The following CCDC190 variants were observed in gnomAD, a reference collection of about 807,000 sequenced individuals.
CCDC190 encodes coiled-coil domain containing 190, also known as coiled-coil domain-containing protein 190.
Under a neutral mutation model 13.1 loss-of-function variants are expected in CCDC190, and 10 were observed. That is an observed-to-expected ratio of 0.77 (90% CI 0.47 to 1.30). The LOEUF is 1.30. Ranked by LOEUF, CCDC190 falls within the 50% of genes most tolerant of loss-of-function variation. CCDC190 has a pLI of 0.00. For missense variants in CCDC190, 375 were observed against 354.3 expected, an observed-to-expected ratio of 1.06 and a Z score of -0.47; for synonymous variants, 136 against 127.2, an observed-to-expected ratio of 1.07 and a Z score of -0.47.
intron 2 of CCDC190, 28 bp from the exon 3 acceptor site, chr1:162,855,783 T>G (rs2102259194): frequency 1.3e-6 from 2 of 1,557,950 alleles, no homozygotes; most frequent in East Asian, 4.7e-5. Context: ...AGAAGTGTTA[T>G]GAGTTGGATT....
At chr1:162,857,190 C>T (rs1037306548) in intron 2 of CCDC190, among the ~76,000 whole-genome samples, 3 of 152,138 alleles carry the variant, frequency 2.0e-5, no homozygotes, top group African/African-American at 7.2e-5. Flanking sequence ...TCTTGAGATG[C>T]TCATCTTCTC....
intron 2 of CCDC190, among the ~76,000 whole-genome samples, chr1:162,856,201 A>G (rs1271922404): frequency 2.6e-5 from 4 of 152,200 alleles, no homozygotes; most frequent in Non-Finnish European, 5.9e-5. Flanking sequence ...AGAAGAAGAA[A>G]AATAATTCTG....
upstream of CCDC190, among the ~76,000 whole-genome samples, chr1:162,864,715 T>C (rs1158121742): frequency 6.6e-6 from 1 of 151,984 alleles, no homozygotes; most frequent in Non-Finnish European, 1.5e-5. Context: ...TACTCTACAC[T>C]CTAAAGCAAC....
At chr1:162,856,541 A>C (rs12132001) in intron 2 of CCDC190, among the ~76,000 whole-genome samples, 21,452 of 152,180 alleles carry the variant, frequency 0.14, 1,811 homozygotes, top group Non-Finnish European at 0.19. Flanking sequence ...TGGACTTTTC[A>C]CTTGTTGAGT....
In CCDC190 at chr1:162,859,502, CCCAGGTCAG is replaced by C. The variant is rs745954908; in HGVS notation, c.136_144del (p.Leu46_Trp48del). The C allele has an allele frequency of 1.2e-6, 2 of 1,613,652 alleles. No homozygotes were observed. The highest frequency in any genetic ancestry group is 1.7e-6 in the Non-Finnish European group (2 of 1,179,746). On this transcript the variant is annotated inframe_deletion, in exon 2 of 4. Transcript: ENST00000367912. ...AGTTCTTTTTGGAGCTGCCTCTGCTCCCAGGTCAGCAATTTCACATGGTAGAGGCAAATA... is the reference window on the plus strand; with the variant it reads ...AGTTCTTTTTGGAGCTGCCTCTGCTCCAATTTCACATGGTAGAGGCAAATA...
At chr1:162,864,014 C>A (rs370972771), upstream of CCDC190, among the ~76,000 whole-genome samples, 464 of 140,408 alleles carry the variant, frequency 3.3e-3, no homozygotes, top group Non-Finnish European at 4.3e-3. Flanking sequence ...GACTCCATCT[C>A]AAAAAAAAAA....
chr1:162,862,975 A>G (rs1048106518), upstream of CCDC190, among the ~76,000 whole-genome samples: 1 of 152,130 alleles, frequency 6.6e-6, no homozygotes, highest in African/African-American at 2.4e-5. Context: ...TTAATAAACA[A>G]AATGGCAAGA....
At position 162,855,312 on chromosome 1, in the gene CCDC190, T is replaced by C; in HGVS notation, c.359A>G (p.Gln120Arg). 6.2e-7 allele frequency: 1 copy of C among 1,612,956 alleles called. No homozygotes were observed. Among genetic ancestry groups the C allele is most frequent in the South Asian group, 1.1e-5 (1 of 91,080 alleles). ...GCCAGCATCATGTGAAGGAGGCACCTGGGACTTGCTTTTGCATGTGTCTTG... is the reference window on the plus strand; with the variant it reads ...GCCAGCATCATGTGAAGGAGGCACCCGGGACTTGCTTTTGCATGTGTCTTG... Reference protein sequence around the residue: ...MAQDTCKSKSQVPPSHDAGLK... With the variant: ...MAQDTCKSKSRVPPSHDAGLK... Residue 120 changes from glutamine to arginine, a missense_variant, in exon 4 of 4, where the codon CAG (glutamine) becomes CGG (arginine). Transcript: ENST00000367912.
intron 1 of CCDC190, among the ~76,000 whole-genome samples, chr1:162,866,792 C>A (rs773306033): frequency 4.9e-4 from 75 of 151,964 alleles, no homozygotes; most frequent in Non-Finnish European, 2.6e-4. Context: ...TAAACTCACA[C>A]ATTTAGTCAG....
upstream of CCDC190, among the ~76,000 whole-genome samples, chr1:162,863,878 G>A (rs1200352352): frequency 6.6e-6 from 1 of 150,746 alleles, no homozygotes; most frequent in African/African-American, 2.5e-5. Flanking sequence ...AATTAGCTGG[G>A]TGTGGTGGTG....
intron 2 of CCDC190, among the ~76,000 whole-genome samples, chr1:162,859,077 G>T (rs916882145): frequency 6.6e-6 from 1 of 152,044 alleles, no homozygotes; most frequent in Non-Finnish European, 1.5e-5. Context: ...ATAAATTGTT[G>T]TTAGATCCAA....
chr1:162,862,562 T>A (rs1235602952), upstream of CCDC190, among the ~76,000 whole-genome samples: 1 of 152,184 alleles, frequency 6.6e-6, no homozygotes, highest in African/African-American at 2.4e-5. Context: ...ACAGAAGGGA[T>A]GTGAGTGCAG....
chr1:162,859,415 G>C (rs1459528903), intron 2 of CCDC190, 45 bp downstream of exon 2: 4 of 1,560,790 alleles, frequency 2.6e-6, no homozygotes, highest in Non-Finnish European at 3.5e-6. Flanking sequence ...CTGCTGCCCT[G>C]CTGTGCCTCT....
chr1:162,859,665 A>T lies in CCDC190; in HGVS notation c.-12-7T>A, dbSNP rs760549649. 1 of 1,601,046 alleles carries T rather than the reference A, an allele frequency of 6.2e-7. No homozygotes were observed. Among genetic ancestry groups the T allele is most frequent in the Non-Finnish European group, 8.5e-7 (1 of 1,174,626 alleles). On this transcript the variant is annotated splice_region_variant and splice_polypyrimidine_tract_variant and intron_variant, in intron 1 of 3. Transcript: ENST00000367912. ...TCTCCATCTTCTTTATGGTCTAGAG[A>T]CAATAAGGTATCACAAATAACCTGA... is the stretch of plus-strand genomic sequence containing the variant.
At chr1:162,867,830 G>A (rs1226981387) in intron 1 of CCDC190, among the ~76,000 whole-genome samples, 3 of 152,178 alleles carry the variant, frequency 2.0e-5, no homozygotes, top group African/African-American at 7.2e-5. Context: ...AGGCTGGATA[G>A]AAAAGAGAAG....
At chr1:162,866,640 T>C (rs1479473643) in intron 1 of CCDC190, among the ~76,000 whole-genome samples, 1 of 152,094 alleles carries the variant, frequency 6.6e-6, no homozygotes, top group East Asian at 1.9e-4. Flanking sequence ...GTCAAAATAA[T>C]TTTGAAAAGA....
At position 162,855,080 on chromosome 1, in the gene CCDC190, A is replaced by G. The variant is rs1187518366; in HGVS notation, c.591T>C (p.Ala197=). The change falls in exon 4 of 4, where the codon GCT becomes GCC. Residue 197 remains alanine, a synonymous_variant. Coordinates refer to ENST00000367912, the MANE Select transcript of CCDC190 (RefSeq NM_001394065.1). ...CAGCACATGCCATTCCACTATCACT[A>G]GCTGGGCTGGAACTAGGACCTTGTT... ...TIEQGPSSSP[A]SDSGMACADE... is the part of the protein sequence containing the mutation. The G allele has an allele frequency of 2.5e-6, 4 of 1,613,976 alleles. No homozygotes were observed. In the South Asian group the frequency reaches 4.4e-5, roughly 18 times the overall value.
rs1650215259 is a variant in CCDC190 at position 162,854,525 on chromosome 1, G to A, written c.*240C>T. On this transcript the variant is annotated 3_prime_UTR_variant, in exon 4 of 4. Coordinates refer to ENST00000367912, the MANE Select transcript of CCDC190 (RefSeq NM_001394065.1). ...ATCAATATATATTCATATTTTTGAT[G>A]ACATCATAAACATATCACTTAAAAT... The A allele has an allele frequency of 1.6e-6, 2 of 1,258,078 alleles. No individual in the cohort carries two copies. Among genetic ancestry groups the A allele is most frequent in the Admixed American group, 3.8e-5 (1 of 26,620 alleles). The allele number at this position is 1,258,078 out of a possible 1,614,324, so 77.9% of individuals were successfully genotyped here. A position where few individuals can be genotyped will look rare whatever the true frequency, so the allele number is the denominator to read the frequency against.
upstream of CCDC190, among the ~76,000 whole-genome samples, chr1:162,862,444 T>C (rs1356076317): frequency 6.6e-6 from 1 of 152,150 alleles, no homozygotes; most frequent in Non-Finnish European, 1.5e-5. Context: ...AGAGGGGTTA[T>C]ATGAGGTGGC....
Sources: gnomAD v4.1 joint callset for allele counts (sites outside exome capture counted in the v4.1 genomes callset) on GRCh38, gnomAD v4.1.1 for gene constraint, MANE v1.5 for transcripts, NCBI Gene and HGNC (gene_info 2026-07-23, HGNC 2026-07-21) for gene names.